Variants in ERICH3 observed in about 807,000 individuals in gnomAD.
ERICH3 encodes glutamate rich 3.
A neutral mutation model predicts 131.1 loss-of-function variants in ERICH3; 126 were observed. The ratio of observed to expected loss-of-function variants is 0.96; its 90% CI spans 0.83 to 1.11. ERICH3 has a LOEUF of 1.11. Among genes scored for constraint, ERICH3 ranks in the 50% most tolerant of loss-of-function variants. ERICH3 has a pLI of 0.00. For missense variants in ERICH3, 2,050 were observed against 1,810.7 expected (o/e 1.13, Z -2.40); for synonymous variants, 695 against 644.6 (o/e 1.08, Z -1.18).
In ERICH3 at chr1:74,571,191, G is replaced by A. The variant is rs767786082; in HGVS notation, c.4519C>T (p.Arg1507Ter). The change falls in exon 14 of 15, where the codon CGA becomes TGA. Residue 1507 changes from arginine to a stop codon, truncating the protein, a stop_gained. Coordinates refer to ENST00000326665, the MANE Select transcript of ERICH3 (RefSeq NM_001002912.5). LOFTEE classifies it low-confidence loss of function (END_TRUNC). ...LPVKPDFTET[R>*]EKQQHMVQGE... ...TGCACCATATGCTGTTGCTTCTCTC[G>A]GGTTTCAGTGAAATCAGGCTTCACT... 1 of 1,614,036 alleles carries A rather than the reference G, an allele frequency of 6.2e-7. No homozygotes were observed. Among genetic ancestry groups the A allele is most frequent in the South Asian group, 1.1e-5 (1 of 91,068 alleles).
At chr1:74,652,995 T>A (rs1364449779) in intron 1 of ERICH3, among the ~76,000 whole-genome samples, 2 of 152,112 alleles carry the variant, frequency 1.3e-5, no homozygotes, top group Admixed American at 6.6e-5. Flanking sequence ...ACACACCACA[T>A]CCTTCAGGGC....
At chr1:74,664,950 G>A (rs1207444498) in intron 1 of ERICH3, among the ~76,000 whole-genome samples, 1 of 151,786 alleles carries the variant, frequency 6.6e-6, no homozygotes, top group African/African-American at 2.4e-5. Context: ...TTGAACTTTT[G>A]GCTTCAAATC....
chr1:74,652,506 C>T (rs1646545074), intron 1 of ERICH3, among the ~76,000 whole-genome samples: 1 of 152,086 alleles, frequency 6.6e-6, no homozygotes, highest in African/African-American at 2.4e-5. Flanking sequence ...CACCCTTTTC[C>T]TCTGCGTTCA....
rs372964363 is a variant in ERICH3, at chr1:74,590,082, T to C, written c.1727-2A>G. ...AGGTTGATGAAGCAGTTTTCATATCTACAAAAAATAAAAGTGATGACATTG... is the reference window on the plus strand; with the variant it reads ...AGGTTGATGAAGCAGTTTTCATATCCACAAAAAATAAAAGTGATGACATTG... On this transcript the variant is annotated splice_acceptor_variant, in intron 11 of 14. Transcript: ENST00000326665. LOFTEE classifies it high-confidence loss of function. 6 of 1,570,092 alleles carry C rather than the reference T, an allele frequency of 3.8e-6. No homozygotes were observed. Among genetic ancestry groups the C allele is most frequent in the African/African-American group, 1.4e-5 (1 of 73,266 alleles).
At position 74,631,812 on chromosome 1, in the gene ERICH3, T is replaced by G; in HGVS notation, c.720A>C (p.Pro240=). The G allele has an allele frequency of 6.2e-7, 1 of 1,613,502 alleles. No homozygotes were observed. Among genetic ancestry groups the G allele is most frequent in the Non-Finnish European group, 8.5e-7 (1 of 1,179,594 alleles). Residue 240 remains proline, a synonymous_variant, in exon 7 of 15, where the codon CCA becomes CCC. Coordinates refer to ENST00000326665, the MANE Select transcript of ERICH3 (RefSeq NM_001002912.5). ...TATTTTCTCTTGTGATTTTCCCAGT[T>G]GGGGGAAGTGGAGGAGGAATAGGCA... ...YMMPIPPPLP[P]TGKITRENRS...
At chr1:74,641,261 C>A in intron 5 of ERICH3, 70 bp downstream of exon 5, 1 of 1,547,096 alleles carries the variant, frequency 6.5e-7, no homozygotes, top group Non-Finnish European at 8.8e-7. Context: ...GAGAGTATCC[C>A]TTCTGAGAAT....
intron 2 of ERICH3, among the ~76,000 whole-genome samples, chr1:74,648,809 T>C (rs1439574531): frequency 6.6e-6 from 1 of 152,116 alleles, no homozygotes; most frequent in Non-Finnish European, 1.5e-5. Flanking sequence ...TTGGGGGAAA[T>C]GTTGAAATGT....
intron 9 of ERICH3, among the ~76,000 whole-genome samples, chr1:74,608,869 AC>A (rs1648524143): frequency 4.6e-5 from 7 of 152,146 alleles, no homozygotes; most frequent in Admixed American, 4.6e-4. Flanking sequence ...CAATTGCAAC[AC>A]CAAATCCATT....
At chr1:74,662,760 T>C (rs1646655057) in intron 1 of ERICH3, among the ~76,000 whole-genome samples, 2 of 151,720 alleles carry the variant, frequency 1.3e-5, no homozygotes, top group African/African-American at 2.4e-5. Context: ...AAATAGGTAA[T>C]GCTGCTGTCT....
intron 6 of ERICH3, among the ~76,000 whole-genome samples, chr1:74,632,805 A>G (rs988642164): frequency 2.6e-5 from 4 of 151,962 alleles, no homozygotes; most frequent in Admixed American, 6.6e-5. Flanking sequence ...TGACTGAAAA[A>G]ACTTGAATGT....
chr1:74,615,327 T>C (rs1312357452), intron 8 of ERICH3: 2 of 151,982 alleles, frequency 1.3e-5, no homozygotes, highest in South Asian at 2.1e-4. Flanking sequence ...CATTTAACTT[T>C]GTTGCCTTTC....
chr1:74,630,472 A>G (rs1035775571), intron 7 of ERICH3, among the ~76,000 whole-genome samples: 8 of 152,194 alleles, frequency 5.3e-5, no homozygotes, highest in African/African-American at 1.4e-4. Flanking sequence ...TGAGGCCAAC[A>G]TATTCCAGAC....
At chr1:74,588,570 T>G (rs536962856) in intron 12 of ERICH3, among the ~76,000 whole-genome samples, 1 of 152,168 alleles carries the variant, frequency 6.6e-6, no homozygotes, top group Admixed American at 6.5e-5. Context: ...CGCAGCTGAA[T>G]TTTAGTAATA....
intron 8 of ERICH3, among the ~76,000 whole-genome samples, chr1:74,613,332 G>T (rs1359914953): frequency 2.0e-5 from 3 of 152,080 alleles, no homozygotes; most frequent in African/African-American, 4.8e-5. Context: ...CATGTGAAGT[G>T]GGAATTTTTC....
At chr1:74,636,464 A>C in intron 5 of ERICH3, 26 bp from the exon 6 acceptor site, 1 of 1,583,806 alleles carries the variant, frequency 6.3e-7, no homozygotes, top group South Asian at 1.2e-5. Flanking sequence ...AAAAAATTCC[A>C]TTTAAATTAG....
chr1:74,638,547 C>CTGGT (rs1022463646), intron 5 of ERICH3, among the ~76,000 whole-genome samples: 15 of 152,282 alleles, frequency 9.9e-5, no homozygotes, highest in African/African-American at 3.6e-4. Context: ...GGGAAGAAAG[C>CTGGT]TGGTTGTGAG....
intron 1 of ERICH3, among the ~76,000 whole-genome samples, chr1:74,667,049 A>G (rs1646699182): frequency 6.6e-6 from 1 of 152,180 alleles, no homozygotes. Context: ...AGTTAAACAA[A>G]AAGTAAAATT....
intron 4 of ERICH3, 115 bp from the exon 5 acceptor site, chr1:74,641,574 A>G (rs1646438211): frequency 7.9e-7 from 1 of 1,268,840 alleles, no homozygotes; most frequent in Non-Finnish European, 1.1e-6. Flanking sequence ...ATTTCTTCCA[A>G]GAGTTACTTT....
intron 7 of ERICH3, among the ~76,000 whole-genome samples, chr1:74,628,928 C>G (rs1321023260): frequency 6.6e-6 from 1 of 151,918 alleles, no homozygotes; most frequent in Non-Finnish European, 1.5e-5. Context: ...CATTATAACT[C>G]AAGAATTAAG....
Sources: gnomAD v4.1 joint callset for allele counts (sites outside exome capture counted in the v4.1 genomes callset) on GRCh38, gnomAD v4.1.1 for gene constraint, MANE v1.5 for transcripts, NCBI Gene and HGNC (gene_info 2026-07-23, HGNC 2026-07-21) for gene names.